Variants in MACROD2 observed in about 807,000 individuals in gnomAD.
MACROD2 encodes mono-ADP ribosylhydrolase 2, also known as ADP-ribose glycohydrolase MACROD2.
MACROD2 carries 36 observed loss-of-function variants against 70.4 expected under a neutral mutation model. The ratio of observed to expected loss-of-function variants is 0.51; its 90% CI spans 0.39 to 0.68. MACROD2 has a LOEUF of 0.68. Among genes scored for constraint, MACROD2 ranks in the 30% least tolerant of loss-of-function variants. MACROD2 has a pLI of 0.00. For synonymous variants in MACROD2, 172 were observed against 178.8 expected, an observed-to-expected ratio of 0.96 and a Z score of 0.30; for missense variants, 496 against 538.4, an observed-to-expected ratio of 0.92 and a Z score of 0.78.
At chr20:15,318,880 C>T (rs1452686491) in intron 6 of MACROD2, among the ~76,000 whole-genome samples, 6 of 152,076 alleles carry the variant, frequency 3.9e-5, no homozygotes, top group South Asian at 4.1e-4. Flanking sequence ...AAGACTGAAA[C>T]CTTTCTCTTT....
intron 8 of MACROD2, among the ~76,000 whole-genome samples, chr20:15,817,875 CCTTCCTTCAGCCTTA>C (rs1368101889): frequency 6.6e-6 from 1 of 152,142 alleles, no homozygotes; most frequent in Non-Finnish European, 1.5e-5. Flanking sequence ...CTGGCCCTGC[CCTTCCTTCAGCCTTA>C]CTTCTTGTCA....
chr20:15,982,176 A>G (rs907918946), intron 13 of MACROD2, among the ~76,000 whole-genome samples: 2 of 152,096 alleles, frequency 1.3e-5, no homozygotes, highest in African/African-American at 4.8e-5. Context: ...GACTGTGATC[A>G]TGGGGGGTTC....
At chr20:15,350,773 T>C (rs1157827879) in intron 6 of MACROD2, among the ~76,000 whole-genome samples, 1 of 152,202 alleles carries the variant, frequency 6.6e-6, no homozygotes, top group Non-Finnish European at 1.5e-5. Flanking sequence ...TTGAAGCAAC[T>C]TAGACTTATT....
intron 2 of MACROD2, 77 bp downstream of exon 2, chr20:14,002,481 C>T (rs1186662408): frequency 9.8e-6 from 8 of 816,738 alleles, no homozygotes; most frequent in East Asian, 2.6e-5. Flanking sequence ...GAATAACTGG[C>T]GTTCAATAAA....
intron 4 of MACROD2, among the ~76,000 whole-genome samples, chr20:14,614,399 A>C (rs931179594): frequency 6.6e-6 from 1 of 152,080 alleles, no homozygotes; most frequent in African/African-American, 2.4e-5. Context: ...TCACCCATTA[A>C]ATCAGAATCT....
At chr20:14,750,110 A>G (rs190615372) in intron 5 of MACROD2, among the ~76,000 whole-genome samples, 15 of 152,296 alleles carry the variant, frequency 9.8e-5, no homozygotes, top group Non-Finnish European at 2.9e-5. Flanking sequence ...AGAAATATTC[A>G]TAAGAAACTT....
intron 3 of MACROD2, among the ~76,000 whole-genome samples, chr20:14,124,756 A>T (rs979823441): frequency 1.3e-5 from 2 of 152,114 alleles, no homozygotes; most frequent in African/African-American, 4.8e-5. Context: ...AAAAAGTTAA[A>T]TATAAACTTA....
intron 5 of MACROD2, among the ~76,000 whole-genome samples, chr20:14,878,076 T>C (rs974142631): frequency 6.6e-6 from 1 of 152,126 alleles, no homozygotes; most frequent in Non-Finnish European, 1.5e-5. Flanking sequence ...TAAACATACC[T>C]GTAAGCGTAA....
In MACROD2 at chr20:14,807,455, C is replaced by G. The variant is rs531273150; in HGVS notation, c.418+122496C>G. The stretch of plus-strand genomic sequence containing the variant: ...TCCAAAGGTCACCAACAGCAAAGGC[C>G]AAAGGTAGATAAACCCACGAAGATG... On this transcript the variant is annotated intron_variant, in intron 5 of 17. Coordinates refer to ENST00000684519, the MANE Select transcript of MACROD2 (RefSeq NM_001351661.2). Among the ~76,000 whole-genome samples, 5 of 152,078 alleles carry G rather than the reference C, an allele frequency of 3.3e-5. No homozygotes were observed. In the East Asian group the frequency reaches 9.7e-4, roughly 29 times the overall value.
At chr20:14,354,420 A>C (rs1395148577) in intron 3 of MACROD2, among the ~76,000 whole-genome samples, 1 of 152,134 alleles carries the variant, frequency 6.6e-6, no homozygotes, top group Non-Finnish European at 1.5e-5. Context: ...TTTATACCAA[A>C]GTCATACAGG....
At chr20:15,056,472 G>C (rs1287979772) in intron 5 of MACROD2, among the ~76,000 whole-genome samples, 3 of 152,124 alleles carry the variant, frequency 2.0e-5, no homozygotes. Flanking sequence ...CCATGGTCAT[G>C]TGATTAGATT....
chr20:15,653,761 C>A lies in MACROD2; in HGVS notation c.645+153914C>A, dbSNP rs184753647. Among the ~76,000 whole-genome samples, 4 of 152,228 alleles carry A rather than the reference C, an allele frequency of 2.6e-5. No homozygotes were observed. In the East Asian group the frequency reaches 7.7e-4, roughly 29 times the overall value. ...GTTGTTGGGATATAAACACAGGAACCCACAAACAAGACATCCTCTTTCTGG... is the reference window on the plus strand; with the variant it reads ...GTTGTTGGGATATAAACACAGGAACACACAAACAAGACATCCTCTTTCTGG... On this transcript the variant is annotated intron_variant, in intron 8 of 17. Coordinates refer to ENST00000684519, the MANE Select transcript of MACROD2 (RefSeq NM_001351661.2).
At chr20:14,103,948 G>A (rs185740282) in intron 3 of MACROD2, among the ~76,000 whole-genome samples, 2 of 152,200 alleles carry the variant, frequency 1.3e-5, no homozygotes, top group African/African-American at 4.8e-5. Context: ...TTCCCTTAAA[G>A]TGAAATTATG....
intron 13 of MACROD2, among the ~76,000 whole-genome samples, chr20:15,975,561 G>A (rs2066294263): frequency 6.6e-6 from 1 of 152,078 alleles, no homozygotes; most frequent in Non-Finnish European, 1.5e-5. Flanking sequence ...AATGACAGAG[G>A]ATGATGCTTA....
At chr20:14,229,144 T>C (rs1225763388) in intron 3 of MACROD2, among the ~76,000 whole-genome samples, 2 of 152,166 alleles carry the variant, frequency 1.3e-5, no homozygotes, top group Non-Finnish European at 2.9e-5. Context: ...GGACAAAATA[T>C]AGGTGATCGT....
At chr20:14,760,524 C>G (rs1480465219) in intron 5 of MACROD2, among the ~76,000 whole-genome samples, 1 of 152,092 alleles carries the variant, frequency 6.6e-6, no homozygotes, top group African/African-American at 2.4e-5. Context: ...ACACAGTCCT[C>G]TAAATCATGA....
At chr20:14,956,166 GA>G (rs947694950) in intron 5 of MACROD2, among the ~76,000 whole-genome samples, 1 of 151,944 alleles carries the variant, frequency 6.6e-6, no homozygotes, top group East Asian at 1.9e-4. Context: ...GGAAAAAGGG[GA>G]AAAAAGCCTT....
rs556024093 is a variant in MACROD2, at chr20:14,895,468, A to G, written c.418+210509A>G. ...ATTTTCATGGAAATGACATTCAGTA[A>G]AAGTAAATATCCATATAACAATGGT... On this transcript the variant is annotated intron_variant, in intron 5 of 17. Transcript: ENST00000684519. 2.6e-5 allele frequency: 4 copies of G among 152,310 alleles called. No individual in the cohort carries two copies. The East Asian group carries it at 7.7e-4, about 29-fold the overall frequency. The allele number at this position is 152,310 out of a possible 1,614,324, so 9.4% of individuals were successfully genotyped here. A position where few individuals can be genotyped will look rare whatever the true frequency, so the allele number is the denominator to read the frequency against.
At chr20:14,667,337 G>T (rs2070746621) in intron 4 of MACROD2, among the ~76,000 whole-genome samples, 1 of 152,084 alleles carries the variant, frequency 6.6e-6, no homozygotes, top group Non-Finnish European at 1.5e-5. Context: ...TTAAATTAAG[G>T]AAGCTCAGAC....
Sources: gnomAD v4.1 joint callset for allele counts (sites outside exome capture counted in the v4.1 genomes callset) on GRCh38, gnomAD v4.1.1 for gene constraint, MANE v1.5 for transcripts, NCBI Gene and HGNC (gene_info 2026-07-23, HGNC 2026-07-21) for gene names.